EVA1A: variants seen among roughly 807,000 people sequenced by gnomAD.
EVA1A encodes the protein eva-1 homolog A, regulator of programmed cell death, also known as protein eva-1 homolog A.
EVA1A carries 7 observed loss-of-function variants against 9.8 expected under a neutral mutation model. The observed-to-expected ratio is 0.71, with a 90% CI of 0.41 to 1.34. The LOEUF (loss-of-function observed/expected upper bound fraction) is 1.34. Ranked by LOEUF, EVA1A falls within the 40% of genes most tolerant of loss-of-function variation. The probability of loss-of-function intolerance (pLI) is 0.01; values close to 1 mark genes in which losing one functional copy is unlikely to be tolerated. For missense variants in EVA1A, 206 were observed against 205.9 expected, an observed-to-expected ratio of 1.00 and a Z score of 0.00; for synonymous variants, 90 against 85.6, an observed-to-expected ratio of 1.05 and a Z score of -0.28.
intron 3 of EVA1A, among the ~76,000 whole-genome samples, chr2:75,510,872 C>A (rs1674788523): frequency 6.6e-6 from 1 of 152,168 alleles, no homozygotes; most frequent in Non-Finnish European, 1.5e-5. Context: ...TGGGGACTGG[C>A]ACACTATGGC....
intron 1 of EVA1A, among the ~76,000 whole-genome samples, chr2:75,538,034 A>G (rs1341141673): frequency 6.6e-6 from 1 of 152,170 alleles, no homozygotes; most frequent in Non-Finnish European, 1.5e-5. Context: ...TCACACCTGT[A>G]ATCCCAGCAC....
chr2:75,552,928 T>C (rs1676574568), intron 1 of EVA1A, among the ~76,000 whole-genome samples: 1 of 152,214 alleles, frequency 6.6e-6, no homozygotes, highest in African/African-American at 2.4e-5. Context: ...GCCAGAACAG[T>C]ATTAGAACAA....
At chr2:75,542,919 G>A (rs938246756) in intron 1 of EVA1A, among the ~76,000 whole-genome samples, 2 of 152,152 alleles carry the variant, frequency 1.3e-5, no homozygotes, top group Admixed American at 6.6e-5. Context: ...ATCTGCAGAC[G>A]TATGAAGCTA....
chr2:75,497,372 T>G (rs1272731905), intron 3 of EVA1A, among the ~76,000 whole-genome samples: 1 of 152,002 alleles, frequency 6.6e-6, no homozygotes, highest in African/African-American at 2.4e-5. Context: ...GCACAGGACA[T>G]GAAAAGACAC....
At position 75,518,074 on chromosome 2, in the gene EVA1A, C is replaced by A. The variant is rs761321988; in HGVS notation, c.67G>T (p.Ala23Ser). The stretch of plus-strand genomic sequence containing the variant: ...CACCTACCTGAGACAAAGGAATAGG[C>A]CGCTAGGATGTTGCTGAGCAAAGCC... ...EMALLSNILAAYSFVSENPER... is the reference protein window; with the variant it reads ...EMALLSNILASYSFVSENPER... Residue 23 changes from alanine (A) to serine (S), a missense_variant, in exon 3 of 4, where the codon GCC becomes TCC. Physicochemically the swap from Ala to Ser is moderately conservative, Grantham distance 99. Transcript: ENST00000393913. 6.2e-7 allele frequency: 1 copy of A among 1,614,076 alleles called. No individual in the cohort carries two copies.
chr2:75,513,140 G>A (rs1674876244), intron 3 of EVA1A, among the ~76,000 whole-genome samples: 1 of 152,030 alleles, frequency 6.6e-6, no homozygotes. Flanking sequence ...CAGAGATATT[G>A]GCCCCTACAT....
chr2:75,508,846 C>T (rs990518462), intron 3 of EVA1A, among the ~76,000 whole-genome samples: 6 of 151,970 alleles, frequency 3.9e-5, no homozygotes, highest in South Asian at 2.1e-4. Flanking sequence ...AGCTGGCGGA[C>T]GCTTAGGGAA....
chr2:75,518,528 C>T (rs980287769), intron 2 of EVA1A: 41 of 895,212 alleles, frequency 4.6e-5, no homozygotes, highest in African/African-American at 7.2e-5. Context: ...TTTGTTCAAG[C>T]GAGCTTCCTG....
chr2:75,551,570 A>G (rs1341313174), intron 1 of EVA1A, among the ~76,000 whole-genome samples: 1 of 152,092 alleles, frequency 6.6e-6, no homozygotes, highest in Non-Finnish European at 1.5e-5. Context: ...GTGCCCTAGT[A>G]CTGCCACTCT....
chr2:75,567,724 C>G (rs1207791653), intron 1 of EVA1A, among the ~76,000 whole-genome samples: 1 of 152,230 alleles, frequency 6.6e-6, no homozygotes, highest in African/African-American at 2.4e-5. Context: ...ATCAAACCAA[C>G]TGGATGGCAA....
chr2:75,559,743 A>G (rs1676854954), intron 1 of EVA1A, among the ~76,000 whole-genome samples: 1 of 151,098 alleles, frequency 6.6e-6, no homozygotes, highest in East Asian at 1.9e-4. Context: ...GCTCAGACTA[A>G]AAAGAAGAAT....
chr2:75,548,136 T>G (rs550412384), intron 1 of EVA1A, among the ~76,000 whole-genome samples: 1 of 152,344 alleles, frequency 6.6e-6, no homozygotes, highest in African/African-American at 2.4e-5. Context: ...ATTTCTCTTT[T>G]ATTTATTTAT....
chr2:75,549,797 G>A (rs554826474), intron 1 of EVA1A, among the ~76,000 whole-genome samples: 19 of 152,312 alleles, frequency 1.2e-4, no homozygotes, highest in Non-Finnish European at 2.1e-4. Flanking sequence ...TGCCCTTTGG[G>A]AGAGCCCTTT....
At chr2:75,507,353 C>T (rs918069771) in intron 3 of EVA1A, among the ~76,000 whole-genome samples, 1 of 152,188 alleles carries the variant, frequency 6.6e-6, no homozygotes, top group African/African-American at 2.4e-5. Context: ...GCAAACCCAG[C>T]TCTATGCCTA....
chr2:75,502,407 A>G (rs1674463009), intron 3 of EVA1A, among the ~76,000 whole-genome samples: 2 of 152,260 alleles, frequency 1.3e-5, no homozygotes, highest in African/African-American at 2.4e-5. Flanking sequence ...CAGACATAGC[A>G]GAGCTTGAGC....
rs747832832 is a variant in EVA1A, at chr2:75,545,537, C to T, written c.-192+15143G>A. ...TGTAGCCACTGATCATTAGGGCCAGCGTAACTGAGGTGTCAGCACAACAGA... is the reference window on the plus strand; with the variant it reads ...TGTAGCCACTGATCATTAGGGCCAGTGTAACTGAGGTGTCAGCACAACAGA... On this transcript the variant is annotated intron_variant, in intron 1 of 3. Coordinates refer to ENST00000393913, the MANE Select transcript of EVA1A (RefSeq NM_001135032.2). Among the ~76,000 whole-genome samples, 62 of 152,046 alleles carry T rather than the reference C, an allele frequency of 4.1e-4. 1 individual carries two copies. Among genetic ancestry groups the T allele is most frequent in the Non-Finnish European group, 6.2e-4 (42 of 68,026 alleles).
intron 2 of EVA1A, among the ~76,000 whole-genome samples, chr2:75,519,074 T>C (rs1675141459): frequency 6.6e-6 from 1 of 152,156 alleles, no homozygotes; most frequent in Non-Finnish European, 1.5e-5. Flanking sequence ...CTCCAGCCTC[T>C]GGCTGGAGGA....
intron 1 of EVA1A, among the ~76,000 whole-genome samples, chr2:75,544,427 T>C (rs1034831532): frequency 6.6e-6 from 1 of 152,236 alleles, no homozygotes; most frequent in Non-Finnish European, 1.5e-5. Flanking sequence ...ACTAGTAGCA[T>C]GCTTATTTTG....
intron 3 of EVA1A, among the ~76,000 whole-genome samples, chr2:75,498,034 C>T (rs1674276386): frequency 6.6e-6 from 1 of 152,018 alleles, no homozygotes; most frequent in Non-Finnish European, 1.5e-5. Flanking sequence ...TGTATGTTTA[C>T]TGTAGCACTA....
Sources: allele counts gnomAD v4.1 joint callset (sites outside exome capture counted in the v4.1 genomes callset), GRCh38; gene constraint gnomAD v4.1.1; transcripts MANE v1.5; gene names NCBI Gene and HGNC (gene_info 2026-07-23, HGNC 2026-07-21).